Variants in HTR4 observed in about 807,000 individuals in gnomAD.
HTR4 encodes 5-hydroxytryptamine receptor 4.
In HTR4, 16 loss-of-function variants were observed where a neutral mutation model predicts 36.8. The observed-to-expected ratio is 0.43, with a 90% CI of 0.29 to 0.66. The LOEUF (loss-of-function observed/expected upper bound fraction) is 0.66. Among genes scored for constraint, HTR4 ranks in the 30% least tolerant of loss-of-function variants. The probability of loss-of-function intolerance (pLI) is 0.13; values close to 1 mark genes in which losing one functional copy is unlikely to be tolerated. For missense variants in HTR4, 438 were observed against 490.9 expected, an observed-to-expected ratio of 0.89 and a Z score of 1.02; for synonymous variants, 189 against 185.1, an observed-to-expected ratio of 1.02 and a Z score of -0.17.
At chr5:148,598,987 G>C (rs1581527098) in intron 2 of HTR4, among the ~76,000 whole-genome samples, 1 of 152,062 alleles carries the variant, frequency 6.6e-6, no homozygotes, top group Non-Finnish European at 1.5e-5. Flanking sequence ...TTGAAATTAA[G>C]TAAGTTAATT....
intron 6 of HTR4, among the ~76,000 whole-genome samples, chr5:148,492,175 T>G (rs938014550): frequency 2.6e-5 from 4 of 152,138 alleles, no homozygotes; most frequent in African/African-American, 9.7e-5. Flanking sequence ...ACACAGAACC[T>G]CGACACCCTG....
intron 2 of HTR4, 75 bp from the exon 3 acceptor site, chr5:148,550,337 T>C (rs1021237093): frequency 7.0e-6 from 11 of 1,564,676 alleles, no homozygotes; most frequent in Middle Eastern, 1.7e-4. Flanking sequence ...CTTTTCATCA[T>C]TGACCTTCAG....
intron 2 of HTR4, among the ~76,000 whole-genome samples, chr5:148,570,987 A>G (rs1760653011): frequency 6.6e-6 from 1 of 152,052 alleles, no homozygotes; most frequent in African/African-American, 2.4e-5. Context: ...TCTTTGGGAT[A>G]CTGGGTTGTA....
At chr5:148,541,023 T>C (rs1450330765) in intron 4 of HTR4, among the ~76,000 whole-genome samples, 1 of 152,236 alleles carries the variant, frequency 6.6e-6, no homozygotes, top group Non-Finnish European at 1.5e-5. Flanking sequence ...CACTGGTCTA[T>C]GCATTATTCA....
intron 2 of HTR4, among the ~76,000 whole-genome samples, chr5:148,583,628 A>ATCG (rs1373608646): frequency 1.7e-4 from 26 of 151,744 alleles, no homozygotes; most frequent in Admixed American, 4.6e-4. Context: ...CATCATCATC[A>ATCG]TCATCATCAT....
chr5:148,477,911 A>G (rs1755750164), downstream of HTR4, among the ~76,000 whole-genome samples: 1 of 152,146 alleles, frequency 6.6e-6, no homozygotes, highest in Non-Finnish European at 1.5e-5. Flanking sequence ...CCCCTGTCAC[A>G]GAGCTCACCT....
At chr5:148,576,465 C>T (rs1488728569) in intron 2 of HTR4, among the ~76,000 whole-genome samples, 1 of 151,934 alleles carries the variant, frequency 6.6e-6, no homozygotes, top group Non-Finnish European at 1.5e-5. Context: ...TAGAAAAAAA[C>T]TATTTTAAAA....
rs533997231 is a variant in HTR4, at chr5:148,631,215, A to G, written c.26+5774T>C. On this transcript the variant is annotated intron_variant, in intron 2 of 6. Coordinates refer to ENST00000377888, the MANE Select transcript of HTR4 (RefSeq NM_000870.7). ...TATTCACTGTATTCCTGATCTAATC[A>G]AAGTACTAACTGAATAGTCACCATT... Among the ~76,000 whole-genome samples the G allele has an allele frequency of 2.0e-5, 3 of 152,310 alleles. No individual in the cohort carries two copies. The East Asian group carries it at 5.8e-4, about 29-fold the overall frequency.
intron 2 of HTR4, among the ~76,000 whole-genome samples, chr5:148,570,904 C>A (rs951471604): frequency 6.6e-6 from 1 of 151,820 alleles, no homozygotes; most frequent in African/African-American, 2.4e-5. Context: ...TTCCTTGTAT[C>A]GATACCAGTC....
intron 2 of HTR4, among the ~76,000 whole-genome samples, chr5:148,618,310 T>C (rs1752780899): frequency 6.6e-6 from 1 of 152,222 alleles, no homozygotes; most frequent in Non-Finnish European, 1.5e-5. Flanking sequence ...TCCGCAAGGA[T>C]ACTGTGCAGT....
chr5:148,490,655 C>T (rs1038365688), intron 6 of HTR4: 439 of 1,172,298 alleles, frequency 3.7e-4, no homozygotes, highest in Non-Finnish European at 4.6e-4. Context: ...TACTGATATT[C>T]GGTCAATCAA....
At chr5:148,550,060 G>T in intron 3 of HTR4, 77 bp downstream of exon 3, 2 of 1,424,918 alleles carry the variant, frequency 1.4e-6, no homozygotes, top group South Asian at 1.4e-5. Context: ...AATTCTAATA[G>T]AAATGTTCAC....
At chr5:148,586,039 A>G (rs954080005) in intron 2 of HTR4, among the ~76,000 whole-genome samples, 2 of 152,184 alleles carry the variant, frequency 1.3e-5, no homozygotes, top group Non-Finnish European at 2.9e-5. Flanking sequence ...ATGTATCATT[A>G]TCATTCTCTA....
intron 4 of HTR4, among the ~76,000 whole-genome samples, chr5:148,542,153 T>C (rs1012745279): frequency 6.6e-6 from 1 of 152,158 alleles, no homozygotes; most frequent in East Asian, 1.9e-4. Flanking sequence ...ATGAAATGAA[T>C]ATAAAAATAA....
chr5:148,615,712 T>G (rs555195902), intron 2 of HTR4, among the ~76,000 whole-genome samples: 231 of 147,004 alleles, frequency 1.6e-3, no homozygotes, highest in Middle Eastern at 3.5e-3. Context: ...AAGAAAGAAA[T>G]AAAATAAAAT....
chr5:148,558,906 T>C (rs1760070800), intron 2 of HTR4, among the ~76,000 whole-genome samples: 1 of 152,210 alleles, frequency 6.6e-6, no homozygotes, highest in South Asian at 2.1e-4. Context: ...TTCCTAGACT[T>C]ATGATGGGGT....
At chr5:148,535,992 G>C (rs1758801464) in intron 4 of HTR4, among the ~76,000 whole-genome samples, 1 of 151,866 alleles carries the variant, frequency 6.6e-6, no homozygotes, top group South Asian at 2.1e-4. Context: ...GAGAGAGAGA[G>C]AGGAGGTCAC....
chr5:148,521,582 G>A (rs202160065), intron 5 of HTR4, among the ~76,000 whole-genome samples: 2 of 151,694 alleles, frequency 1.3e-5, no homozygotes, highest in African/African-American at 4.8e-5. Flanking sequence ...TGTAGATCTT[G>A]TTACTGGTAA....
intron 5 of HTR4, among the ~76,000 whole-genome samples, chr5:148,521,189 A>T (rs182687024): frequency 1.6e-3 from 243 of 152,336 alleles, no homozygotes; most frequent in Non-Finnish European, 2.7e-3. Context: ...CTTCATTGTA[A>T]GTTTAGTATG....
Sources: allele counts gnomAD v4.1 joint callset (sites outside exome capture counted in the v4.1 genomes callset), GRCh38; gene constraint gnomAD v4.1.1; transcripts MANE v1.5; gene names NCBI Gene and HGNC (gene_info 2026-07-23, HGNC 2026-07-21).